The following CTNNA1 variants were observed in gnomAD, a reference collection of about 807,000 sequenced individuals.
CTNNA1 encodes the protein catenin alpha-1.
Under a neutral mutation model 98.4 loss-of-function variants are expected in CTNNA1, and 37 were observed. That is an observed-to-expected ratio of 0.38 (90% CI 0.29 to 0.49). The LOEUF is 0.49. CTNNA1 is among the 20% of genes least tolerant of loss of function. CTNNA1 has a pLI of 0.95. For missense variants in CTNNA1, 761 were observed against 1,147.2 expected (o/e 0.66, Z 4.86); for synonymous variants, 404 against 413.2 (o/e 0.98, Z 0.27).
At chr5:138,892,340 T>G (rs980219065) in intron 9 of CTNNA1, among the ~76,000 whole-genome samples, 1 of 131,220 alleles carries the variant, frequency 7.6e-6, no homozygotes, top group Admixed American at 7.4e-5. Context: ...TTTTTTTTTT[T>G]TTTTTTTTTT....
At chr5:138,923,517 T>A (rs1011835806) in intron 11 of CTNNA1, among the ~76,000 whole-genome samples, 2 of 152,138 alleles carry the variant, frequency 1.3e-5, no homozygotes, top group African/African-American at 4.8e-5. Flanking sequence ...GAAAGGTGTT[T>A]TTTGTTTGTT....
intron 7 of CTNNA1, among the ~76,000 whole-genome samples, chr5:138,864,088 G>C (rs191271534): frequency 3.3e-5 from 5 of 152,270 alleles, no homozygotes; most frequent in Non-Finnish European, 7.4e-5. Context: ...TCAGCCTCCA[G>C]AGTAGCTGGG....
At chr5:138,802,734 C>T (rs1757708732) in intron 3 of CTNNA1, among the ~76,000 whole-genome samples, 1 of 152,078 alleles carries the variant, frequency 6.6e-6, no homozygotes. Flanking sequence ...AGTGGTGAAG[C>T]TGTGGTTTTT....
At chr5:138,888,832 G>A (rs1026046178) in intron 9 of CTNNA1, among the ~76,000 whole-genome samples, 22 of 152,120 alleles carry the variant, frequency 1.4e-4, no homozygotes, top group African/African-American at 3.6e-4. Flanking sequence ...GAGCCACTGC[G>A]CCTGGCTAGG....
intron 7 of CTNNA1, among the ~76,000 whole-genome samples, chr5:138,838,976 C>T (rs1179764994): frequency 2.6e-5 from 4 of 151,890 alleles, no homozygotes; most frequent in Admixed American, 1.3e-4. Flanking sequence ...AAATTTTCCT[C>T]GAGTCTTCTT....
intron 1 of CTNNA1, among the ~76,000 whole-genome samples, chr5:138,761,542 T>A (rs1253747527): frequency 6.6e-6 from 1 of 152,086 alleles, no homozygotes; most frequent in Non-Finnish European, 1.5e-5. Flanking sequence ...CACAGCTGTT[T>A]TTAGATTGGT....
intron 7 of CTNNA1, among the ~76,000 whole-genome samples, chr5:138,865,621 A>G (rs916544423): frequency 1.3e-5 from 2 of 152,184 alleles, no homozygotes; most frequent in African/African-American, 4.8e-5. Context: ...AGAAATAATG[A>G]TTTCATTGCT....
intron 7 of CTNNA1, among the ~76,000 whole-genome samples, chr5:138,838,821 G>A (rs1762028095): frequency 6.6e-6 from 1 of 151,758 alleles, no homozygotes; most frequent in Non-Finnish European, 1.5e-5. Flanking sequence ...TTAAGAGATC[G>A]GGTCTCATCG....
intron 1 of CTNNA1, among the ~76,000 whole-genome samples, chr5:138,771,474 T>G (rs1753547746): frequency 6.6e-6 from 1 of 152,176 alleles, no homozygotes; most frequent in Admixed American, 6.5e-5. Context: ...CTTGACCTCT[T>G]GGGTTCAAGT....
intron 7 of CTNNA1, among the ~76,000 whole-genome samples, chr5:138,878,583 T>A (rs553073097): frequency 1.3e-5 from 2 of 152,300 alleles, no homozygotes; most frequent in South Asian, 4.1e-4. Flanking sequence ...TTAAGCAAAT[T>A]AACTGAGTCA....
intron 1 of CTNNA1, among the ~76,000 whole-genome samples, chr5:138,767,564 C>T (rs1465214214): frequency 6.6e-6 from 1 of 152,126 alleles, no homozygotes; most frequent in African/African-American, 2.4e-5. Context: ...AACATTATAC[C>T]TTCTATCGTA....
At chr5:138,787,974 G>A (rs1261981002) in intron 3 of CTNNA1, among the ~76,000 whole-genome samples, 1 of 152,222 alleles carries the variant, frequency 6.6e-6, no homozygotes, top group Admixed American at 6.5e-5. Flanking sequence ...CCAAATCTCT[G>A]TGATCTAAGA....
intron 3 of CTNNA1, among the ~76,000 whole-genome samples, chr5:138,806,518 C>A (rs1331688964): frequency 6.6e-6 from 1 of 152,070 alleles, no homozygotes; most frequent in Non-Finnish European, 1.5e-5. Flanking sequence ...TTTACTACTA[C>A]TCTCTTCTGG....
intron 7 of CTNNA1, among the ~76,000 whole-genome samples, chr5:138,832,791 C>T (rs1467523368): frequency 6.6e-6 from 1 of 152,154 alleles, no homozygotes; most frequent in African/African-American, 2.4e-5. Context: ...TGGGTTAAAA[C>T]AGTCTGCTGT....
At chr5:138,840,493 A>G (rs1452462078) in intron 7 of CTNNA1, among the ~76,000 whole-genome samples, 1 of 152,212 alleles carries the variant, frequency 6.6e-6, no homozygotes, top group Non-Finnish European at 1.5e-5. Flanking sequence ...AATATAATAT[A>G]GTTTCTCCTT....
At chr5:138,864,288 C>T (rs1764542380) in intron 7 of CTNNA1, among the ~76,000 whole-genome samples, 1 of 152,028 alleles carries the variant, frequency 6.6e-6, no homozygotes, top group African/African-American at 2.4e-5. Flanking sequence ...CTGTGTTGCC[C>T]ACCAGTCTTA....
intron 10 of CTNNA1, among the ~76,000 whole-genome samples, chr5:138,910,558 T>C (rs768715445): frequency 1.1e-4 from 17 of 152,062 alleles, no homozygotes; most frequent in Non-Finnish European, 2.1e-4. Context: ...CTTGAGACCT[T>C]CCTTCCTCCT....
At chr5:138,825,165 A>G (rs1248596587) in intron 6 of CTNNA1, among the ~76,000 whole-genome samples, 1 of 152,150 alleles carries the variant, frequency 6.6e-6, no homozygotes, top group Non-Finnish European at 1.5e-5. Context: ...AGCCCCCTAG[A>G]GGCTCGTGGT....
intron 10 of CTNNA1, among the ~76,000 whole-genome samples, chr5:138,912,007 C>T (rs749337435): frequency 2.0e-5 from 3 of 152,124 alleles, no homozygotes; most frequent in Admixed American, 1.3e-4. Flanking sequence ...AAGTTTTGGA[C>T]ATGTTATTTT....
Sources: gnomAD v4.1 joint callset for allele counts (sites outside exome capture counted in the v4.1 genomes callset) on GRCh38, gnomAD v4.1.1 for gene constraint, MANE v1.5 for transcripts, NCBI Gene and HGNC (gene_info 2026-07-23, HGNC 2026-07-21) for gene names.